XPR1: variants seen among roughly 807,000 people sequenced by gnomAD.
XPR1 encodes xenotropic and polytropic retrovirus receptor 1.
XPR1 carries 28 observed loss-of-function variants against 87.5 expected under a neutral mutation model. That is an observed-to-expected ratio of 0.32 (90% CI 0.24 to 0.44). The LOEUF (loss-of-function observed/expected upper bound fraction) is 0.44, where lower values mean the gene tolerates loss of function less well. XPR1 is among the 20% of genes least tolerant of loss of function. The pLI, the probability that XPR1 is intolerant of heterozygous loss-of-function variation, is 1.00. For missense variants in XPR1, 559 were observed against 862.3 expected (o/e 0.65, Z 4.41); for synonymous variants, 300 against 306.1 (o/e 0.98, Z 0.21).
At chr1:180,708,907 T>G (rs1462196140) in intron 2 of XPR1, among the ~76,000 whole-genome samples, 1 of 25,490 alleles carries the variant, frequency 3.9e-5, no homozygotes, top group Non-Finnish European at 9.4e-5. Context: ...TTTTTTTTTT[T>G]TTGGGGGGGG....
chr1:180,826,525 G>T (rs1650844154), intron 9 of XPR1, among the ~76,000 whole-genome samples: 1 of 151,998 alleles, frequency 6.6e-6, no homozygotes, highest in Non-Finnish European at 1.5e-5. Context: ...TCCCAGCCTG[G>T]GCAACAGACT....
chr1:180,872,945 G>T (rs1462700346), intron 12 of XPR1, among the ~76,000 whole-genome samples: 1 of 151,500 alleles, frequency 6.6e-6, no homozygotes, highest in African/African-American at 2.4e-5. Flanking sequence ...GGAAAGAGAA[G>T]GTGGCCAGGG....
chr1:180,718,456 A>G (rs1407336897), intron 2 of XPR1, among the ~76,000 whole-genome samples: 1 of 152,118 alleles, frequency 6.6e-6, no homozygotes, highest in African/African-American at 2.4e-5. Context: ...ATTGTTGGAG[A>G]TGTCATTAAA....
intron 6 of XPR1, among the ~76,000 whole-genome samples, chr1:180,807,102 A>G (rs1444029125): frequency 6.6e-6 from 1 of 152,192 alleles, no homozygotes; most frequent in Non-Finnish European, 1.5e-5. Flanking sequence ...CTCTACAATT[A>G]TTATCATACT....
chr1:180,819,358 G>C (rs953332896), intron 7 of XPR1, among the ~76,000 whole-genome samples: 1 of 152,092 alleles, frequency 6.6e-6, no homozygotes, highest in Non-Finnish European at 1.5e-5. Context: ...AGGTCCTTGG[G>C]GTTTTTGTTG....
chr1:180,745,523 G>A (rs1659063511), intron 2 of XPR1, among the ~76,000 whole-genome samples: 1 of 152,170 alleles, frequency 6.6e-6, no homozygotes, highest in African/African-American at 2.4e-5. Flanking sequence ...TGTTACTACT[G>A]TTCTCACTGC....
At chr1:180,821,705 C>A (rs1650629605) in intron 7 of XPR1, among the ~76,000 whole-genome samples, 1 of 152,134 alleles carries the variant, frequency 6.6e-6, no homozygotes, top group Admixed American at 6.5e-5. Context: ...ACTTTAATTT[C>A]TTTCAGCAGT....
Position 180,884,284 on chromosome 1 carries a change from T to C in XPR1, c.*218T>C, listed in dbSNP as rs1183007441. ...TTTAATTTTCTATTTTCAAAACAAA[T>C]ATTTACTTCATTTGCCAATCAGAGG... On this transcript the variant is annotated 3_prime_UTR_variant, in exon 15 of 15. Transcript: ENST00000367590. 4.3e-6 allele frequency: 2 copies of C among 467,166 alleles called. No individual in the cohort carries two copies. The highest frequency in any genetic ancestry group is 2.0e-5 in the African/African-American group (1 of 50,298). The allele number at this position is 467,166 out of a possible 1,614,324, so 28.9% of individuals were successfully genotyped here. A position where few individuals can be genotyped will look rare whatever the true frequency, so the allele number is the denominator to read the frequency against.
chr1:180,805,617 T>A (rs1160924358), intron 4 of XPR1, among the ~76,000 whole-genome samples: 1 of 152,222 alleles, frequency 6.6e-6, no homozygotes, highest in East Asian at 1.9e-4. Flanking sequence ...AGATACATAC[T>A]CCTGTACCAG....
chr1:180,877,006 T>C (rs1314953155), intron 13 of XPR1, among the ~76,000 whole-genome samples: 1 of 152,204 alleles, frequency 6.6e-6, no homozygotes, highest in South Asian at 2.1e-4. Context: ...AATGTCACAG[T>C]TCTGAATACA....
At chr1:180,844,414 AAAAG>A (rs1651612576) in intron 11 of XPR1, among the ~76,000 whole-genome samples, 1 of 152,230 alleles carries the variant, frequency 6.6e-6, no homozygotes, top group African/African-American at 2.4e-5. Flanking sequence ...CAGCAAAAAG[AAAAG>A]AAAGAGAAAA....
chr1:180,711,262 C>A (rs1471947210), intron 2 of XPR1, among the ~76,000 whole-genome samples: 1 of 148,146 alleles, frequency 6.8e-6, no homozygotes, highest in Non-Finnish European at 1.5e-5. Context: ...CCAAGGCAGG[C>A]GGCTGGGAGG....
At chr1:180,746,359 A>G (rs1647252036) in intron 2 of XPR1, among the ~76,000 whole-genome samples, 1 of 152,194 alleles carries the variant, frequency 6.6e-6, no homozygotes, top group South Asian at 2.1e-4. Flanking sequence ...CTTACAAGTG[A>G]GAACATACAG....
At chr1:180,671,579 C>T (rs890550786) in intron 1 of XPR1, among the ~76,000 whole-genome samples, 19 of 152,122 alleles carry the variant, frequency 1.2e-4, no homozygotes, top group Non-Finnish European at 2.5e-4. Flanking sequence ...GGCTGGAGTG[C>T]AATGGCATGA....
chr1:180,686,018 C>T (rs1557956702), intron 2 of XPR1, among the ~76,000 whole-genome samples: 1 of 151,864 alleles, frequency 6.6e-6, no homozygotes, highest in African/African-American at 2.4e-5. Context: ...TTATTTCTTG[C>T]CTTCTGCTAG....
chr1:180,758,114 TACACAC>T (rs71121050), intron 2 of XPR1, among the ~76,000 whole-genome samples: 22 of 141,182 alleles, frequency 1.6e-4, no homozygotes, highest in East Asian at 1.3e-3. Context: ...TATAGAAGGA[TACACAC>T]ACACACACAC....
intron 2 of XPR1, among the ~76,000 whole-genome samples, chr1:180,748,836 A>G (rs1647394755): frequency 6.6e-6 from 1 of 152,194 alleles, no homozygotes; most frequent in Admixed American, 6.5e-5. Flanking sequence ...CAGTGGTAGT[A>G]TGTATATTAC....
chr1:180,807,174 A>G (rs1456868640), intron 6 of XPR1, among the ~76,000 whole-genome samples: 2 of 152,214 alleles, frequency 1.3e-5, no homozygotes, highest in Non-Finnish European at 2.9e-5. Context: ...ATTCACTTTT[A>G]ACACCTGTAT....
At chr1:180,796,596 A>G (rs1571846682) in intron 3 of XPR1, among the ~76,000 whole-genome samples, 1 of 152,198 alleles carries the variant, frequency 6.6e-6, no homozygotes, top group Non-Finnish European at 1.5e-5. Flanking sequence ...TGGATTGAGT[A>G]TACTGTATGC....
Sources: allele counts gnomAD v4.1 joint callset (sites outside exome capture counted in the v4.1 genomes callset), GRCh38; gene constraint gnomAD v4.1.1; transcripts MANE v1.5; gene names NCBI Gene and HGNC (gene_info 2026-07-23, HGNC 2026-07-21).